TAFA2: variants seen among roughly 807,000 people sequenced by gnomAD.
The protein encoded by TAFA2 is chemokine-like protein TAFA-2.
In TAFA2, 7 loss-of-function variants were observed where a neutral mutation model predicts 18.8. The observed-to-expected ratio is 0.37, with a 90% CI of 0.21 to 0.70. TAFA2 has a LOEUF of 0.70. Among genes scored for constraint, TAFA2 ranks in the 30% least tolerant of loss-of-function variants. TAFA2 has a pLI of 0.53. For missense variants in TAFA2, 122 were observed against 158.1 expected (o/e 0.77, Z 1.23); for synonymous variants, 60 against 54.2 (o/e 1.11, Z -0.47).
chr12:62,234,471 C>G, intron 1 of TAFA2: 1 of 1,052,322 alleles, frequency 9.5e-7, no homozygotes, highest in South Asian at 1.2e-5. Flanking sequence ...TCTGGTGTTG[C>G]TTGAGATGGT....
At chr12:62,156,454 C>T (rs1479670283) in intron 1 of TAFA2, among the ~76,000 whole-genome samples, 1 of 152,018 alleles carries the variant, frequency 6.6e-6, no homozygotes, top group African/African-American at 2.4e-5. Context: ...GGTATCTACC[C>T]AGAGGAAAAG....
intron 1 of TAFA2, chr12:61,879,437 G>T: frequency 1.4e-6 from 1 of 697,566 alleles, no homozygotes; most frequent in Non-Finnish European, 2.6e-6. Context: ...AGCTTCTCCC[G>T]AGTGGGCAGC....
chr12:62,234,439 G>T, intron 1 of TAFA2: 1 of 795,612 alleles, frequency 1.3e-6, no homozygotes, highest in South Asian at 1.3e-5. Context: ...CCGTGGGTCT[G>T]AGGGTCCTGG....
At chr12:61,733,166 A>T (rs1373078616) in intron 4 of TAFA2, among the ~76,000 whole-genome samples, 24 of 152,016 alleles carry the variant, frequency 1.6e-4, no homozygotes, top group Admixed American at 1.6e-3. Flanking sequence ...TAGATTCTGG[A>T]TATTAGCCCT....
At chr12:61,873,337 C>T (rs1874702761) in intron 1 of TAFA2, among the ~76,000 whole-genome samples, 1 of 151,438 alleles carries the variant, frequency 6.6e-6, no homozygotes, top group Admixed American at 6.6e-5. Context: ...TTTTAGGGTA[C>T]ATGTGCACAA....
intron 2 of TAFA2, among the ~76,000 whole-genome samples, chr12:61,766,421 T>A (rs1418397353): frequency 6.6e-6 from 1 of 152,058 alleles, no homozygotes; most frequent in African/African-American, 2.4e-5. Context: ...CAAGTCCATC[T>A]CCCTGTTTCT....
intron 1 of TAFA2, among the ~76,000 whole-genome samples, chr12:62,169,499 TAA>T (rs1565768423): frequency 5.9e-5 from 9 of 152,180 alleles, no homozygotes; most frequent in Admixed American, 3.3e-4. Context: ...TTGGTTATAA[TAA>T]TTCGTAAAGC....
intron 1 of TAFA2, among the ~76,000 whole-genome samples, chr12:61,896,271 G>A (rs1177238276): frequency 6.6e-6 from 1 of 152,206 alleles, no homozygotes; most frequent in Non-Finnish European, 1.5e-5. Flanking sequence ...GGGGTTGAGA[G>A]TTAATAAAAT....
chr12:62,161,703 T>C (rs994025304), intron 1 of TAFA2, among the ~76,000 whole-genome samples: 3 of 152,182 alleles, frequency 2.0e-5, no homozygotes, highest in Non-Finnish European at 4.4e-5. Context: ...TATACAAATT[T>C]CTAAAAGGGT....
chr12:62,170,971 C>T (rs1460297547), intron 1 of TAFA2, among the ~76,000 whole-genome samples: 2 of 152,244 alleles, frequency 1.3e-5, no homozygotes, highest in Non-Finnish European at 2.9e-5. Context: ...ACTTACACTC[C>T]TGTAGCATTT....
At chr12:62,152,509 T>C (rs143472666) in intron 1 of TAFA2, among the ~76,000 whole-genome samples, 11 of 152,342 alleles carry the variant, frequency 7.2e-5, no homozygotes, top group Admixed American at 7.2e-4. Flanking sequence ...AATCCAAAAT[T>C]GTTTAGTCTG....
chr12:61,761,781 C>A (rs1325375658), intron 2 of TAFA2, among the ~76,000 whole-genome samples: 3 of 152,026 alleles, frequency 2.0e-5, no homozygotes, highest in African/African-American at 7.2e-5. Context: ...ATGATCTTGA[C>A]CATTATCTTA....
At chr12:62,157,924 A>G (rs892393176) in intron 1 of TAFA2, among the ~76,000 whole-genome samples, 2 of 152,216 alleles carry the variant, frequency 1.3e-5, no homozygotes, top group African/African-American at 4.8e-5. Context: ...CTCCAAATAC[A>G]TAGAACTGGG....
intron 1 of TAFA2, among the ~76,000 whole-genome samples, chr12:62,172,212 T>C (rs1403379166): frequency 1.3e-5 from 2 of 152,154 alleles, no homozygotes; most frequent in Non-Finnish European, 2.9e-5. Flanking sequence ...AAAACAAGGA[T>C]GCCTTCCTCC....
intron 1 of TAFA2, among the ~76,000 whole-genome samples, chr12:62,081,438 A>T (rs1267870593): frequency 6.6e-6 from 1 of 151,970 alleles, no homozygotes; most frequent in South Asian, 2.1e-4. Context: ...CAAGAAGCAG[A>T]TTCCAATTTT....
chr12:62,120,682 A>G (rs1870152842), intron 1 of TAFA2, among the ~76,000 whole-genome samples: 1 of 152,064 alleles, frequency 6.6e-6, no homozygotes, highest in Non-Finnish European at 1.5e-5. Flanking sequence ...ACATAAAGGT[A>G]TGAAAATCTA....
At chr12:62,187,093 G>A (rs1226964713) in intron 1 of TAFA2, among the ~76,000 whole-genome samples, 18 of 152,136 alleles carry the variant, frequency 1.2e-4, no homozygotes, top group Non-Finnish European at 5.9e-5. Context: ...CATAGTTTGT[G>A]CATTGACTAT....
intron 2 of TAFA2, among the ~76,000 whole-genome samples, chr12:61,798,569 C>T (rs773192125): frequency 2.6e-5 from 4 of 152,138 alleles, no homozygotes; most frequent in Non-Finnish European, 5.9e-5. Context: ...CCTCTTCCTC[C>T]AGTCCCTGAC....
At chr12:61,809,526 A>G (rs1472667794) in intron 2 of TAFA2, among the ~76,000 whole-genome samples, 1 of 151,242 alleles carries the variant, frequency 6.6e-6, no homozygotes, top group Non-Finnish European at 1.5e-5. Context: ...CATAATAAAA[A>G]TATGTCATAC....
Sources: allele counts gnomAD v4.1 joint callset (sites outside exome capture counted in the v4.1 genomes callset), GRCh38; gene constraint gnomAD v4.1.1; transcripts MANE v1.5; gene names NCBI Gene and HGNC (gene_info 2026-07-23, HGNC 2026-07-21).